Variants in NOX4 observed in about 807,000 individuals in gnomAD.
The protein encoded by NOX4 is kidney oxidase-1.
NOX4 carries 69 observed loss-of-function variants against 87.6 expected under a neutral mutation model. The observed-to-expected ratio is 0.79, with a 90% CI of 0.65 to 0.96. The LOEUF (loss-of-function observed/expected upper bound fraction) is 0.96, where lower values mean the gene tolerates loss of function less well. Ranked by LOEUF, NOX4 falls within the 40% of genes least tolerant of loss-of-function variation. The probability of loss-of-function intolerance (pLI) is 0.00; values close to 1 mark genes in which losing one functional copy is unlikely to be tolerated. For synonymous variants in NOX4, 275 were observed against 238.2 expected (o/e 1.15, Z -1.42); for missense variants, 680 against 681.5 (o/e 1.00, Z 0.02).
chr11:89,373,502 A>T lies in NOX4; in HGVS notation c.1075-10T>A, dbSNP rs1357673348. 1 of 1,517,590 alleles carries T rather than the reference A, an allele frequency of 6.6e-7. No homozygotes were observed. The highest frequency in any genetic ancestry group is 1.4e-5 in the African/African-American group (1 of 73,092). 94.0% of individuals were successfully genotyped at this position (1,517,590 alleles called of 1,614,324 possible). On this transcript the variant is annotated splice_polypyrimidine_tract_variant and intron_variant, in intron 11 of 17. Transcript: ENST00000263317. The stretch of plus-strand genomic sequence containing the variant: ...TGGTTTCAGTTGGACACTAAAAAAA[A>T]ATACTAGAATCAATTGTGATTAATA...
the NOX4 span, among the ~76,000 whole-genome samples, chr11:89,549,170 G>C: frequency 7.9e-5 from 12 of 152,086 alleles, no homozygotes; most frequent in Non-Finnish European, 1.5e-4. Flanking sequence ...TCTTTCACTA[G>C]ATTTTTTAGA....
chr11:89,480,445 T>G (rs748170036), intron 2 of NOX4, among the ~76,000 whole-genome samples: 1 of 152,176 alleles, frequency 6.6e-6, no homozygotes, highest in Non-Finnish European at 1.5e-5. Flanking sequence ...TAAGTCATAA[T>G]GCTCAGCACA....
intron 11 of NOX4, among the ~76,000 whole-genome samples, chr11:89,399,540 T>C (rs906273493): frequency 5.4e-5 from 8 of 147,354 alleles, no homozygotes; most frequent in Non-Finnish European, 1.2e-4. Flanking sequence ...CAAGGCTCAA[T>C]GAAACTTCAA....
At chr11:89,407,422 A>T (rs1942247967) in intron 8 of NOX4, among the ~76,000 whole-genome samples, 1 of 152,108 alleles carries the variant, frequency 6.6e-6, no homozygotes, top group Admixed American at 6.6e-5. Context: ...GTTTCATTAT[A>T]TGATGTTCCA....
At chr11:89,448,773 C>T (rs914252285) in intron 4 of NOX4, among the ~76,000 whole-genome samples, 36 of 152,112 alleles carry the variant, frequency 2.4e-4, no homozygotes, top group African/African-American at 7.7e-4. Context: ...GTCCCAGCTA[C>T]TTGGGAGGCT....
chr11:89,510,635 C>T, the NOX4 span, among the ~76,000 whole-genome samples: 1 of 151,860 alleles, frequency 6.6e-6, no homozygotes, highest in African/African-American at 2.4e-5. Flanking sequence ...TAGCAGACAC[C>T]CATAGTTTAA....
Position 89,337,533 on chromosome 11 carries a change from G to C in NOX4, c.1447-18C>G. 6.2e-7 allele frequency: 1 copy of C among 1,609,672 alleles called. No homozygotes were observed. Among genetic ancestry groups the C allele is most frequent in the South Asian group, 1.1e-5 (1 of 90,752 alleles). The stretch of plus-strand genomic sequence containing the variant: ...TGCCAAAACTGAGAGGACAGAAAAA[G>C]GAATAGACTTATTACAATTCTGTGG... On this transcript the variant is annotated intron_variant, in intron 15 of 17. Transcript: ENST00000263317.
the NOX4 span, among the ~76,000 whole-genome samples, chr11:89,508,557 T>C: frequency 2.6e-5 from 4 of 152,052 alleles, no homozygotes; most frequent in African/African-American, 9.7e-5. Context: ...ATGTGACAAA[T>C]GACATGTCAT....
the NOX4 span, among the ~76,000 whole-genome samples, chr11:89,554,434 T>C: frequency 6.6e-6 from 1 of 152,174 alleles, no homozygotes; most frequent in Non-Finnish European, 1.5e-5. Flanking sequence ...TTTAGAATGC[T>C]ATTCTTTCTC....
the NOX4 span, among the ~76,000 whole-genome samples, chr11:89,503,558 T>C: frequency 2.0e-5 from 3 of 151,846 alleles, no homozygotes; most frequent in East Asian, 1.9e-4. Context: ...GGTTGTGAGA[T>C]TGAAAATGCC....
intron 11 of NOX4, among the ~76,000 whole-genome samples, chr11:89,380,550 C>G (rs1196562606): frequency 6.6e-6 from 1 of 152,088 alleles, no homozygotes; most frequent in African/African-American, 2.4e-5. Context: ...CCTTTTGGTA[C>G]TTAGGTAAAA....
At chr11:89,352,595 G>T (rs963789307) in intron 13 of NOX4, among the ~76,000 whole-genome samples, 2 of 152,104 alleles carry the variant, frequency 1.3e-5, no homozygotes, top group African/African-American at 4.8e-5. Context: ...ATAGGAGTTT[G>T]GAAGAAGTGA....
chr11:89,538,716 C>T, the NOX4 span, among the ~76,000 whole-genome samples: 1 of 135,002 alleles, frequency 7.4e-6, no homozygotes, highest in Non-Finnish European at 1.7e-5. Context: ...TAAAACACCC[C>T]ACTATTTTTT....
intron 7 of NOX4, among the ~76,000 whole-genome samples, chr11:89,427,691 C>T (rs912134825): frequency 1.3e-5 from 2 of 152,100 alleles, no homozygotes; most frequent in Admixed American, 1.3e-4. Context: ...AAGAAATGAA[C>T]AAAGCCTCCA....
the NOX4 span, among the ~76,000 whole-genome samples, chr11:89,551,591 T>G: frequency 6.6e-6 from 1 of 152,220 alleles, no homozygotes. Context: ...ACACATGATT[T>G]GGCTCTCTAT....
At chr11:89,498,205 T>A (rs1365897159), upstream of NOX4, 1 of 152,208 alleles carries the variant, frequency 6.6e-6, no homozygotes, top group Non-Finnish European at 1.5e-5. Flanking sequence ...GAAAAGAAGT[T>A]TATGTTGTTG....
chr11:89,444,073 C>T, intron 5 of NOX4, 62 bp downstream of exon 5: 1 of 1,413,180 alleles, frequency 7.1e-7, no homozygotes, highest in African/African-American at 1.4e-5. Flanking sequence ...GGAAAAATCA[C>T]AGACCCTCAT....
chr11:89,563,989 G>A, the NOX4 span, among the ~76,000 whole-genome samples: 1 of 152,102 alleles, frequency 6.6e-6, no homozygotes, highest in African/African-American at 2.4e-5. Context: ...TTCTGATTTA[G>A]AGGGGTTTAC....
chr11:89,503,086 C>T (rs1289530834), upstream of NOX4, among the ~76,000 whole-genome samples: 1 of 151,926 alleles, frequency 6.6e-6, no homozygotes, highest in Non-Finnish European at 1.5e-5. Context: ...TTTATTTTAA[C>T]AGCAAATTTG....
Sources: gnomAD v4.1 joint callset for allele counts (sites outside exome capture counted in the v4.1 genomes callset) on GRCh38, gnomAD v4.1.1 for gene constraint, MANE v1.5 for transcripts, NCBI Gene and HGNC (gene_info 2026-07-23, HGNC 2026-07-21) for gene names.